APOO: variants seen among roughly 807,000 people sequenced by gnomAD.
APOO encodes the protein apolipoprotein O, also known as MICOS complex subunit MIC26.
Under a neutral mutation model 23.1 loss-of-function variants are expected in APOO, and 11 were observed. The observed-to-expected ratio is 0.48, with a 90% CI of 0.30 to 0.79. APOO has a LOEUF of 0.79. Among genes scored for constraint, APOO ranks in the 30% least tolerant of loss-of-function variants. The pLI, the probability that APOO is intolerant of heterozygous loss-of-function variation, is 0.07. For missense variants in APOO, 160 were observed against 142.7 expected (o/e 1.12, Z -0.62); for synonymous variants, 59 against 54.8 (o/e 1.08, Z -0.34).
chrX:23,873,606 CAA>C (rs1244513973), intron 4 of APOO, among the ~76,000 whole-genome samples: 1 of 78,665 alleles, frequency 1.3e-5, no homozygotes. Flanking sequence ...TATTTTGTCT[CAA>C]AAAAAAAAAA....
chrX:23,869,521 G>A (rs1289231208), intron 4 of APOO, among the ~76,000 whole-genome samples: 1 of 108,084 alleles, frequency 9.3e-6, no homozygotes, highest in Non-Finnish European at 1.9e-5. Context: ...CAAGGCTAAG[G>A]CAGAAGAATC....
chrX:23,857,744 C>T (rs763871208), intron 6 of APOO, among the ~76,000 whole-genome samples: 1 of 111,464 alleles, frequency 9.0e-6, no homozygotes, highest in South Asian at 3.8e-4. Flanking sequence ...CCTGTGTCCA[C>T]AATCTGCCCA....
At chrX:23,854,823 G>A (rs1924709798) in intron 7 of APOO, among the ~76,000 whole-genome samples, 1 of 110,006 alleles carries the variant, frequency 9.1e-6, no homozygotes, top group South Asian at 3.8e-4. Flanking sequence ...GCACCTGGCC[G>A]CATTTGTTAA....
At chrX:23,905,716 T>C (rs1262694799) in intron 1 of APOO, among the ~76,000 whole-genome samples, 1 of 112,591 alleles carries the variant, frequency 8.9e-6, no homozygotes, top group African/African-American at 3.2e-5. Context: ...TGAAATAATC[T>C]TATTTTTTAA....
At chrX:23,863,222 T>G (rs1416983596) in intron 5 of APOO, among the ~76,000 whole-genome samples, 17 of 111,716 alleles carry the variant, frequency 1.5e-4, no homozygotes, top group Non-Finnish European at 1.9e-5. Flanking sequence ...TAATCCCAGC[T>G]AACTGGGAGG....
intron 1 of APOO, among the ~76,000 whole-genome samples, chrX:23,896,000 T>C (rs933049693): frequency 1.8e-5 from 2 of 111,071 alleles, no homozygotes; most frequent in Non-Finnish European, 3.8e-5. Flanking sequence ...CCGGGCGCAG[T>C]GGCTCATGCC....
In APOO at chrX:23,849,583, T is replaced by TA. The variant is rs143362355; in HGVS notation, c.561+6718dup. Among the ~76,000 whole-genome samples, 74 of 32,577 alleles carry TA rather than the reference T, an allele frequency of 2.3e-3. 6 individuals carry two copies. Among genetic ancestry groups the TA allele is most frequent in the South Asian group, 0.01 (2 of 191 alleles). The allele number at this position is 32,577 out of a possible 115,157, so 28.3% of individuals were successfully genotyped here. A position where few individuals can be genotyped will look rare whatever the true frequency, so the allele number is the denominator to read the frequency against. ...GGGAGCCTGTAGATTAAGAGAGACTTAAAAAAAAAAAAAAAAAAAAAAAAA... is the reference window on the plus strand; with the variant it reads ...GGGAGCCTGTAGATTAAGAGAGACTTAAAAAAAAAAAAAAAAAAAAAAAAAA... On this transcript the variant is annotated intron_variant, in intron 7 of 8. Transcript: ENST00000379226.
intron 7 of APOO, among the ~76,000 whole-genome samples, chrX:23,843,312 A>C (rs1924080514): frequency 9.0e-6 from 1 of 111,343 alleles, no homozygotes; most frequent in African/African-American, 3.3e-5. Context: ...AAAACAGCAC[A>C]GTCCAATATC....
chrX:23,867,699 C>A (rs1925408936), intron 5 of APOO, among the ~76,000 whole-genome samples: 1 of 111,267 alleles, frequency 9.0e-6, no homozygotes, highest in African/African-American at 3.3e-5. Flanking sequence ...CCTGCCACCA[C>A]ACCCGGCTAA....
chrX:23,880,129 A>G (rs901350790), intron 2 of APOO, among the ~76,000 whole-genome samples: 16 of 109,851 alleles, frequency 1.5e-4, no homozygotes, highest in South Asian at 3.9e-4. Context: ...CAAGAAACAG[A>G]AAGGATCCAG....
chrX:23,898,765 G>A (rs1253893450), intron 1 of APOO, among the ~76,000 whole-genome samples: 3 of 111,531 alleles, frequency 2.7e-5, no homozygotes, highest in East Asian at 2.8e-4. Flanking sequence ...CTTGGAGCCC[G>A]TATAATCACT....
chrX:23,836,621 ATTTC>A, intron 8 of APOO: 1 of 645,534 alleles, frequency 1.5e-6, no homozygotes, highest in Non-Finnish European at 2.2e-6. Context: ...CCCCAGCCTA[ATTTC>A]TTTTTTTTTT....
intron 4 of APOO, among the ~76,000 whole-genome samples, chrX:23,869,032 C>A (rs1232473736): frequency 2.8e-4 from 31 of 108,985 alleles, no homozygotes; most frequent in Non-Finnish European, 3.8e-5. Context: ...CCTCAGCCTC[C>A]CAAGTAGCTG....
At chrX:23,838,051 C>T (rs1401702042) in intron 8 of APOO, among the ~76,000 whole-genome samples, 1 of 106,055 alleles carries the variant, frequency 9.4e-6, no homozygotes, top group African/African-American at 3.4e-5. Context: ...ACAAAAATTA[C>T]CTCTGGAAAA....
intron 1 of APOO, among the ~76,000 whole-genome samples, chrX:23,898,035 C>G (rs17315219): frequency 0.02 from 2,093 of 103,575 alleles, 32 homozygotes; most frequent in Non-Finnish European, 0.033. Flanking sequence ...AGGTTTCTAT[C>G]TAGACACATG....
At chrX:23,905,746 G>A (rs1601950493) in intron 1 of APOO, among the ~76,000 whole-genome samples, 1 of 112,437 alleles carries the variant, frequency 8.9e-6, no homozygotes, top group African/African-American at 3.2e-5. Flanking sequence ...TCTGATATAA[G>A]CAGTATGTGC....
intron 1 of APOO, among the ~76,000 whole-genome samples, chrX:23,905,264 G>A (rs760142495): frequency 6.4e-5 from 7 of 109,669 alleles, no homozygotes; most frequent in African/African-American, 2.0e-4. Context: ...GGTGGCGGGC[G>A]CCTGTAATCC....
At chrX:23,884,864 G>T (rs1188713236) in intron 1 of APOO, among the ~76,000 whole-genome samples, 1 of 111,406 alleles carries the variant, frequency 9.0e-6, no homozygotes, top group Non-Finnish European at 1.9e-5. Flanking sequence ...AAAAAGAGGG[G>T]CAAGTCTGAG....
intron 6 of APOO, 143 bp from the exon 7 acceptor site, chrX:23,856,525 G>A: frequency 4.9e-6 from 2 of 410,964 alleles, no homozygotes; most frequent in Non-Finnish European, 7.9e-6. Context: ...GCAAAACATG[G>A]AATCAACCTA....
Sources: gnomAD v4.1 joint callset for allele counts (sites outside exome capture counted in the v4.1 genomes callset) on GRCh38, gnomAD v4.1.1 for gene constraint, MANE v1.5 for transcripts, NCBI Gene and HGNC (gene_info 2026-07-23, HGNC 2026-07-21) for gene names.